Variants in GLIS1 observed in about 807,000 individuals in gnomAD.
GLIS1 encodes GLIS family zinc finger 1.
A neutral mutation model predicts 63.8 loss-of-function variants in GLIS1; 24 were observed. The observed-to-expected ratio is 0.38, with a 90% CI of 0.27 to 0.53. The LOEUF is 0.53. GLIS1 is among the 20% of genes least tolerant of loss of function. The probability of loss-of-function intolerance (pLI) is 0.85; values close to 1 mark genes in which losing one functional copy is unlikely to be tolerated. For synonymous variants in GLIS1, 450 were observed against 482.5 expected, an observed-to-expected ratio of 0.93 and a Z score of 0.88; for missense variants, 1,036 against 1,074.1, an observed-to-expected ratio of 0.96 and a Z score of 0.50.
At chr1:53,656,636 C>A (rs1645968341) in intron 2 of GLIS1, among the ~76,000 whole-genome samples, 2 of 152,242 alleles carry the variant, frequency 1.3e-5, no homozygotes, top group Non-Finnish European at 2.9e-5. Context: ...AGACAGACTG[C>A]AGATTTATTG....
At chr1:53,669,724 T>C (rs1268341089) in intron 2 of GLIS1, among the ~76,000 whole-genome samples, 2 of 152,196 alleles carry the variant, frequency 1.3e-5, no homozygotes, top group Admixed American at 1.3e-4. Context: ...GCTAACTGCC[T>C]GCTATGTGCC....
chr1:53,638,298 C>T (rs981210102), intron 2 of GLIS1, among the ~76,000 whole-genome samples: 2 of 152,204 alleles, frequency 1.3e-5, no homozygotes, highest in African/African-American at 4.8e-5. Context: ...ATACCATAAC[C>T]CAAAGACAAC....
In GLIS1 at chr1:53,514,720, C is replaced by T. The variant is rs749721824; in HGVS notation, c.1788G>A (p.Ala596=). The T allele has an allele frequency of 5.0e-6, 8 of 1,612,742 alleles. No individual in the cohort carries two copies. Among genetic ancestry groups the T allele is most frequent in the African/African-American group, 4.0e-5 (3 of 74,846 alleles). The stretch of plus-strand genomic sequence containing the variant: ...GGTGGTGCCTGGAAGGTACGTCGTG[C>T]GCTGGGGGCAGGAGGCCCGATGCAA... The part of the protein sequence containing the change: ...NGLASGLLPP[A]HDVPSRHHPL... The change falls in exon 8 of 11, where the codon GCG becomes GCA. Residue 596 remains alanine (A), a synonymous_variant. Coordinates refer to ENST00000628545, the MANE Select transcript of GLIS1 (RefSeq NM_001367484.1).
chr1:53,559,150 C>T (rs1644860968), intron 4 of GLIS1, among the ~76,000 whole-genome samples: 1 of 152,184 alleles, frequency 6.6e-6, no homozygotes, highest in African/African-American at 2.4e-5. Context: ...ACTCAGAATG[C>T]AGGGGGCTTT....
At chr1:53,698,735 C>T (rs912094346) in intron 2 of GLIS1, among the ~76,000 whole-genome samples, 1 of 152,242 alleles carries the variant, frequency 6.6e-6, no homozygotes, top group African/African-American at 2.4e-5. Context: ...GACCTGCAGC[C>T]ACCTCTCCAC....
chr1:53,645,660 T>C (rs982806491), intron 2 of GLIS1, among the ~76,000 whole-genome samples: 1 of 152,240 alleles, frequency 6.6e-6, no homozygotes, highest in Admixed American at 6.5e-5. Flanking sequence ...GGCTATGCCA[T>C]CTGTGCTAAG....
intron 2 of GLIS1, among the ~76,000 whole-genome samples, chr1:53,602,015 G>A (rs139839007): frequency 3.9e-5 from 6 of 152,216 alleles, no homozygotes; most frequent in Non-Finnish European, 7.4e-5. Context: ...GAGCCTCCAC[G>A]TTCCCAGCCA....
intron 2 of GLIS1, among the ~76,000 whole-genome samples, chr1:53,703,597 C>CCACTG (rs1486515857): frequency 1.3e-5 from 2 of 149,698 alleles, no homozygotes; most frequent in Non-Finnish European, 3.0e-5. Context: ...TATGATCACA[C>CCACTG]CACTGCACTC....
intron 2 of GLIS1, among the ~76,000 whole-genome samples, chr1:53,652,784 G>A (rs532940927): frequency 5.3e-5 from 8 of 152,134 alleles, no homozygotes; most frequent in Non-Finnish European, 7.4e-5. Context: ...GGACCCTGGG[G>A]CCAGTCCTAG....
chr1:53,573,410 G>C (rs1021887875), intron 4 of GLIS1, among the ~76,000 whole-genome samples: 2 of 152,100 alleles, frequency 1.3e-5, no homozygotes, highest in African/African-American at 4.8e-5. Flanking sequence ...GCCCAATCCA[G>C]CCCACCCTTC....
chr1:53,536,051 C>T (rs1644578349), intron 4 of GLIS1, among the ~76,000 whole-genome samples: 1 of 152,130 alleles, frequency 6.6e-6, no homozygotes, highest in Admixed American at 6.5e-5. Context: ...AGACCAGATA[C>T]CTCAGATGTA....
intron 2 of GLIS1, among the ~76,000 whole-genome samples, chr1:53,632,280 GTGAC>G (rs1645662691): frequency 6.7e-6 from 1 of 149,418 alleles, no homozygotes; most frequent in Non-Finnish European, 1.5e-5. Flanking sequence ...GTGAATGAGT[GTGAC>G]TGAGGAGAAG....
chr1:53,632,858 C>T (rs1307285875), intron 2 of GLIS1, among the ~76,000 whole-genome samples: 4 of 123,622 alleles, frequency 3.2e-5, no homozygotes, highest in Admixed American at 8.6e-5. Context: ...TGTATGTGAC[C>T]GAGAGGCATG....
In GLIS1 at chr1:53,710,616, C is replaced by A. The variant is rs563419899; in HGVS notation, c.259+27190G>T. Among the ~76,000 whole-genome samples the A allele has an allele frequency of 9.8e-5, 15 of 152,346 alleles. 1 individual carries two copies. In the South Asian group the frequency reaches 1.9e-3, roughly 19 times the overall value. ...CACAGGGAGGATGAGAAATTTTCAA[C>A]AAGAAGCACCTAGAATGGTCAGTCC... is the stretch of plus-strand genomic sequence containing the variant. On this transcript the variant is annotated intron_variant, in intron 2 of 10. Transcript: ENST00000628545.
chr1:53,734,420 C>T (rs959085607), intron 2 of GLIS1, among the ~76,000 whole-genome samples: 3 of 152,180 alleles, frequency 2.0e-5, no homozygotes, highest in African/African-American at 4.8e-5. Flanking sequence ...AGAAGGCCTT[C>T]GTGTGAATGC....
chr1:53,513,007 A>G (rs889101846), intron 8 of GLIS1, among the ~76,000 whole-genome samples: 2 of 152,102 alleles, frequency 1.3e-5, no homozygotes, highest in Non-Finnish European at 2.9e-5. Flanking sequence ...TGCCTTTCAC[A>G]GAAGCAGCAG....
chr1:53,687,968 C>A (rs1424702029), intron 2 of GLIS1, among the ~76,000 whole-genome samples: 1 of 152,204 alleles, frequency 6.6e-6, no homozygotes, highest in Non-Finnish European at 1.5e-5. Context: ...GTGCCCCTAG[C>A]CCCACCTCAA....
intron 4 of GLIS1, among the ~76,000 whole-genome samples, chr1:53,580,183 T>G (rs74084747): frequency 0.19 from 29,380 of 152,064 alleles, 3,841 homozygotes; most frequent in African/African-American, 0.37. Context: ...CCCCACATTC[T>G]GTCTTCTGCC....
At chr1:53,575,197 C>T (rs756847054) in intron 4 of GLIS1, among the ~76,000 whole-genome samples, 1 of 152,078 alleles carries the variant, frequency 6.6e-6, no homozygotes, top group Admixed American at 6.5e-5. Flanking sequence ...ATTAACATCC[C>T]GGCTGCCTAT....
Sources: allele counts gnomAD v4.1 joint callset (sites outside exome capture counted in the v4.1 genomes callset), GRCh38; gene constraint gnomAD v4.1.1; transcripts MANE v1.5; gene names NCBI Gene and HGNC (gene_info 2026-07-23, HGNC 2026-07-21).